Variants in SRD5A1 observed in about 807,000 individuals in gnomAD.
SRD5A1 encodes the protein steroid 5 alpha-reductase 1, also known as 3-oxo-5-alpha-steroid 4-dehydrogenase 1.
Under a neutral mutation model 28.2 loss-of-function variants are expected in SRD5A1, and 22 were observed. The observed-to-expected ratio is 0.78, with a 90% CI of 0.56 to 1.12. The LOEUF (loss-of-function observed/expected upper bound fraction) is 1.12, where lower values mean the gene tolerates loss of function less well. Among genes scored for constraint, SRD5A1 ranks in the 50% most tolerant of loss-of-function variants. The pLI is 0.00. For synonymous variants in SRD5A1, 151 were observed against 135.0 expected (o/e 1.12, Z -0.82); for missense variants, 300 against 346.7 (o/e 0.87, Z 1.07).
chr5:6,670,772 G>A lies in SRD5A1; in HGVS notation c.*2504G>A, dbSNP rs547166124. On this transcript the variant is annotated 3_prime_UTR_variant, in exon 5 of 5. Transcript: ENST00000274192. ...TGATACAGCCATAATCTTCTCTATC[G>A]GCCATTGCTGTAACCAAAGCTTAAC... is the stretch of plus-strand genomic sequence containing the variant. 4 of 152,224 alleles carry A rather than the reference G, an allele frequency of 2.6e-5. No homozygotes were observed. The highest frequency in any genetic ancestry group is 1.9e-4 in the East Asian group (1 of 5,178). 9.4% of individuals were successfully genotyped at this position (152,224 alleles called of 1,614,324 possible).
chr5:6,662,751 G>C, intron 3 of SRD5A1, 65 bp from the exon 4 acceptor site: 2 of 1,542,640 alleles, frequency 1.3e-6, no homozygotes, highest in South Asian at 1.1e-5. Flanking sequence ...GTATTCACTA[G>C]CATCTCTGAA....
At chr5:6,653,936 T>C (rs1348371431) in intron 2 of SRD5A1, among the ~76,000 whole-genome samples, 1 of 152,194 alleles carries the variant, frequency 6.6e-6, no homozygotes, top group Non-Finnish European at 1.5e-5. Context: ...CTAGGTTACC[T>C]TTTGTGTGTT....
chr5:6,649,854 C>G (rs963265006), intron 1 of SRD5A1, among the ~76,000 whole-genome samples: 1 of 151,280 alleles, frequency 6.6e-6, no homozygotes, highest in African/African-American at 2.4e-5. Flanking sequence ...TCGCTGGGAG[C>G]TGCAAGACCG....
chr5:6,638,321 A>G (rs566570665), intron 1 of SRD5A1, among the ~76,000 whole-genome samples: 1 of 152,370 alleles, frequency 6.6e-6, no homozygotes, highest in South Asian at 2.1e-4. Context: ...CTTAAAAAGA[A>G]GTCATAGCGT....
At chr5:6,636,066 TA>T (rs1040210021) in intron 1 of SRD5A1, among the ~76,000 whole-genome samples, 6 of 136,552 alleles carry the variant, frequency 4.4e-5, no homozygotes, top group Non-Finnish European at 8.0e-5. Flanking sequence ...GTTTTTTTTT[TA>T]AATTGCTAGG....
intron 1 of SRD5A1, among the ~76,000 whole-genome samples, chr5:6,644,465 G>A (rs1028900749): frequency 6.6e-6 from 1 of 152,066 alleles, no homozygotes; most frequent in Non-Finnish European, 1.5e-5. Context: ...ACTTGAGGCC[G>A]TAACTCTCAG....
chr5:6,633,547 G>T lies in SRD5A1; in HGVS notation c.-30G>T. On this transcript the variant is annotated 5_prime_UTR_variant, in exon 1 of 5. Transcript: ENST00000274192. ...TATATGTTGCCCGCCGCGGCCTCTG[G>T]GGCATGGAGCACGCTGCCCAGCCCT... is the stretch of plus-strand genomic sequence containing the variant. 6.8e-7 allele frequency: 1 copy of T among 1,468,188 alleles called. No homozygotes were observed. Among genetic ancestry groups the T allele is most frequent in the South Asian group, 1.3e-5 (1 of 74,964 alleles). 90.9% of individuals were successfully genotyped at this position (1,468,188 alleles called of 1,614,324 possible). A position where few individuals can be genotyped will look rare whatever the true frequency, so the allele number is the denominator to read the frequency against.
At chr5:6,654,178 G>A (rs1442476621) in intron 2 of SRD5A1, among the ~76,000 whole-genome samples, 2 of 151,494 alleles carry the variant, frequency 1.3e-5, no homozygotes, top group South Asian at 2.1e-4. Flanking sequence ...TCAGCCTCCC[G>A]AGTAGCTGGG....
rs1477733632 is a variant in SRD5A1 at position 6,671,714 on chromosome 5, A to T, written c.*3446A>T. On this transcript the variant is annotated 3_prime_UTR_variant, in exon 5 of 5. Coordinates refer to ENST00000274192, the MANE Select transcript of SRD5A1 (RefSeq NM_001047.4). ...GGGGGGGTGAGGAATAAAAGACAACATATATGGTATAGTATATACTACTCA... is the reference window on the plus strand; with the variant it reads ...GGGGGGGTGAGGAATAAAAGACAACTTATATGGTATAGTATATACTACTCA... 6.6e-6 allele frequency: 1 copy of T among 152,182 alleles called. No individual in the cohort carries two copies. The highest frequency in any genetic ancestry group is 2.4e-5 in the African/African-American group (1 of 41,412). 9.4% of individuals were successfully genotyped at this position (152,182 alleles called of 1,614,324 possible). A position where few individuals can be genotyped will look rare whatever the true frequency, so the allele number is the denominator to read the frequency against.
At position 6,656,602 on chromosome 5, in the gene SRD5A1, A is replaced by G. The variant is rs573142615; in HGVS notation, c.562+423A>G. The stretch of plus-strand genomic sequence containing the variant: ...AGAAAGGAACTAATCATCAGAGGAC[A>G]AGATCTAGGTGAATGTTGGAATCTG... On this transcript the variant is annotated intron_variant, in intron 3 of 4. Transcript: ENST00000274192. Among the ~76,000 whole-genome samples, 12 of 152,352 alleles carry G rather than the reference A, an allele frequency of 7.9e-5. No homozygotes were observed. The South Asian group carries it at 2.5e-3, about 32-fold the overall frequency.
chr5:6,652,378 A>T (rs1489806077), intron 2 of SRD5A1, among the ~76,000 whole-genome samples: 2 of 152,196 alleles, frequency 1.3e-5, no homozygotes, highest in Non-Finnish European at 2.9e-5. Flanking sequence ...GAAAACCCAG[A>T]CTGGGTTAGC....
intron 1 of SRD5A1, among the ~76,000 whole-genome samples, chr5:6,640,931 G>A (rs1441127587): frequency 2.6e-5 from 4 of 152,118 alleles, no homozygotes; most frequent in African/African-American, 9.7e-5. Flanking sequence ...TCACCTTCTT[G>A]TTCAATCCTT....
chr5:6,645,205 C>T (rs955466969), intron 1 of SRD5A1: 30 of 329,994 alleles, frequency 9.1e-5, no homozygotes, highest in Non-Finnish European at 1.5e-4. Context: ...TGATTACTGT[C>T]GACGTTCATA....
chr5:6,634,762 A>AG (rs1464959665), intron 1 of SRD5A1, among the ~76,000 whole-genome samples: 2 of 152,228 alleles, frequency 1.3e-5, no homozygotes, highest in African/African-American at 2.4e-5. Context: ...GAATATTTGA[A>AG]AACTGGCTGT....
At chr5:6,644,461 G>A (rs1738448977) in intron 1 of SRD5A1, among the ~76,000 whole-genome samples, 1 of 152,086 alleles carries the variant, frequency 6.6e-6, no homozygotes, top group African/African-American at 2.4e-5. Context: ...AATAACTTGA[G>A]GCCGTAACTC....
intron 3 of SRD5A1, among the ~76,000 whole-genome samples, chr5:6,657,780 C>T (rs866505192): frequency 6.6e-6 from 1 of 152,188 alleles, no homozygotes; most frequent in East Asian, 1.9e-4. Flanking sequence ...ACAGAGGGTC[C>T]TGTCCACTGT....
intron 4 of SRD5A1, among the ~76,000 whole-genome samples, chr5:6,666,999 C>T (rs936464110): frequency 6.6e-6 from 1 of 152,228 alleles, no homozygotes; most frequent in African/African-American, 2.4e-5. Context: ...CGGCCAGTGC[C>T]GCTGGCCCAT....
intron 4 of SRD5A1, 82 bp downstream of exon 4, chr5:6,663,048 G>A: frequency 1.3e-6 from 2 of 1,533,064 alleles, no homozygotes; most frequent in African/African-American, 1.4e-5. Context: ...TTTTTGAAGT[G>A]TTAATTTAAA....
At chr5:6,664,464 G>A (rs1330348474) in intron 4 of SRD5A1, among the ~76,000 whole-genome samples, 1 of 152,086 alleles carries the variant, frequency 6.6e-6, no homozygotes, top group Non-Finnish European at 1.5e-5. Flanking sequence ...GAGTGCAGTG[G>A]CACAATCTCA....
Sources: allele counts gnomAD v4.1 joint callset (sites outside exome capture counted in the v4.1 genomes callset), GRCh38; gene constraint gnomAD v4.1.1; transcripts MANE v1.5; gene names NCBI Gene and HGNC (gene_info 2026-07-23, HGNC 2026-07-21).